The following GNAI3 variants were observed in gnomAD, a reference collection of about 807,000 sequenced individuals.
GNAI3 encodes G protein subunit alpha i3.
In GNAI3, 12 loss-of-function variants were observed where a neutral mutation model predicts 41.8. The observed-to-expected ratio is 0.29, with a 90% CI of 0.18 to 0.47. The LOEUF (loss-of-function observed/expected upper bound fraction) is 0.47, where lower values mean the gene tolerates loss of function less well. GNAI3 is among the 20% of genes least tolerant of loss of function. The pLI, the probability that GNAI3 is intolerant of heterozygous loss-of-function variation, is 1.00. For synonymous variants in GNAI3, 132 were observed against 146.5 expected (o/e 0.90, Z 0.71); for missense variants, 360 against 429.6 (o/e 0.84, Z 1.43).
At chr1:109,556,962 G>C (rs1183124868) in intron 1 of GNAI3, among the ~76,000 whole-genome samples, 3 of 152,172 alleles carry the variant, frequency 2.0e-5, no homozygotes, top group Non-Finnish European at 2.9e-5. Flanking sequence ...TCCCGAGACA[G>C]TCTCACTCTG....
At chr1:109,556,071 CTG>C (rs1648142889) in intron 1 of GNAI3, among the ~76,000 whole-genome samples, 1 of 150,196 alleles carries the variant, frequency 6.7e-6, no homozygotes, top group African/African-American at 2.5e-5. Context: ...GAGTCTTACT[CTG>C]TCGCCCAGGC....
At chr1:109,579,178 G>A (rs368076592) in intron 3 of GNAI3, 26 bp from the exon 4 acceptor site, 55 of 1,585,682 alleles carry the variant, frequency 3.5e-5, no homozygotes, top group Non-Finnish European at 3.9e-5. Flanking sequence ...AGAGTCATCT[G>A]TCTCTTTCTT....
chr1:109,572,208 G>T (rs1248495216), intron 1 of GNAI3, among the ~76,000 whole-genome samples: 2 of 152,070 alleles, frequency 1.3e-5, no homozygotes, highest in African/African-American at 2.4e-5. Flanking sequence ...TACTCAGGAG[G>T]CTGAGGCAGG....
Position 109,591,431 on chromosome 1 carries a change from T to G in GNAI3, c.875-612T>G, listed in dbSNP as rs577804943. On this transcript the variant is annotated intron_variant, in intron 7 of 8. Coordinates refer to ENST00000369851, the MANE Select transcript of GNAI3 (RefSeq NM_006496.4). ...AAAGGACATCTAAAAGCAAACTGTATCCTTCTCAACAATTTCTCACTTCAT... is the reference window on the plus strand; with the variant it reads ...AAAGGACATCTAAAAGCAAACTGTAGCCTTCTCAACAATTTCTCACTTCAT... 3.3e-5 allele frequency: 24 copies of G among 716,770 alleles called. No homozygotes were observed. In the African/African-American group the frequency reaches 3.9e-4, roughly 12 times the overall value. 44.4% of individuals were successfully genotyped at this position (716,770 alleles called of 1,614,324 possible).
At chr1:109,567,277 GT>G (rs2101096668) in intron 1 of GNAI3, among the ~76,000 whole-genome samples, 1 of 152,220 alleles carries the variant, frequency 6.6e-6, no homozygotes, top group South Asian at 2.1e-4. Flanking sequence ...TTATAATCCT[GT>G]TATTAAAAAT....
intron 3 of GNAI3, among the ~76,000 whole-genome samples, chr1:109,578,382 A>C (rs1472549857): frequency 6.6e-6 from 1 of 151,832 alleles, no homozygotes; most frequent in African/African-American, 2.4e-5. Flanking sequence ...AGGCAGGAGA[A>C]TCGCTAGAAC....
rs768631669 is a variant in GNAI3 at position 109,598,855 on chromosome 1, G to A, written c.*6533G>A. 1.9e-6 allele frequency: 1 copy of A among 533,340 alleles called. No homozygotes were observed. Among genetic ancestry groups the A allele is most frequent in the Non-Finnish European group, 3.9e-6 (1 of 259,032 alleles). 33.0% of individuals were successfully genotyped at this position (533,340 alleles called of 1,614,324 possible). A position where few individuals can be genotyped will look rare whatever the true frequency, so the allele number is the denominator to read the frequency against. Reference sequence around the variant, plus strand: ...GGCTCTGTCACACTTGCAGTCCCTGGCCCAACACCGAAATCCTTCTGGAAT... The same window carrying A: ...GGCTCTGTCACACTTGCAGTCCCTGACCCAACACCGAAATCCTTCTGGAAT... On this transcript the variant is annotated 3_prime_UTR_variant, in exon 9 of 9. Transcript: ENST00000369851.
At chr1:109,571,220 A>G (rs1648588344) in intron 1 of GNAI3, among the ~76,000 whole-genome samples, 1 of 152,182 alleles carries the variant, frequency 6.6e-6, no homozygotes, top group African/African-American at 2.4e-5. Flanking sequence ...GGGAATCAGT[A>G]TCTCAGTTTT....
rs115827280 is a variant in GNAI3, at chr1:109,586,198, T to G, written c.591-18T>G. On this transcript the variant is annotated intron_variant, in intron 5 of 8. Coordinates refer to ENST00000369851, the MANE Select transcript of GNAI3 (RefSeq NM_006496.4). Reference sequence around the variant, plus strand: ...TATGTGTGACCTTGCTGAATTTGCTTTCTTTCCCCTTGCGCAGGATGTTTG... The same window carrying G: ...TATGTGTGACCTTGCTGAATTTGCTGTCTTTCCCCTTGCGCAGGATGTTTG... 4.5e-3 allele frequency: 7,221 copies of G among 1,610,934 alleles called. 24 individuals carry two copies. Among genetic ancestry groups the G allele is most frequent in the Non-Finnish European group, 5.6e-3 (6,549 of 1,177,962 alleles).
At chr1:109,573,865 G>A (rs369904473) in intron 2 of GNAI3, 31 bp from the exon 3 acceptor site, 5 of 1,606,576 alleles carry the variant, frequency 3.1e-6, no homozygotes, top group Non-Finnish European at 3.4e-6. Context: ...TAGGTCCATG[G>A]TATTGACTTG....
At chr1:109,586,426 C>A (rs975380043) in intron 6 of GNAI3, 81 bp downstream of exon 6, 2 of 1,356,038 alleles carry the variant, frequency 1.5e-6, no homozygotes, top group Non-Finnish European at 2.0e-6. Flanking sequence ...TTATCTGCAT[C>A]CATTTCCTCA....
intron 1 of GNAI3, among the ~76,000 whole-genome samples, chr1:109,570,516 A>G (rs549356822): frequency 1.2e-4 from 19 of 152,236 alleles, no homozygotes; most frequent in Non-Finnish European, 1.9e-4. Context: ...CTATGAAAAA[A>G]TATAACACAG....
chr1:109,580,163 G>A (rs896532213), intron 4 of GNAI3, among the ~76,000 whole-genome samples: 4 of 152,036 alleles, frequency 2.6e-5, no homozygotes, highest in African/African-American at 9.7e-5. Context: ...CACCATGCCC[G>A]GCTAATTTGT....
At chr1:109,557,091 G>A (rs1304674031) in intron 1 of GNAI3, among the ~76,000 whole-genome samples, 1 of 151,998 alleles carries the variant, frequency 6.6e-6, no homozygotes, top group African/African-American at 2.4e-5. Context: ...GTGCACCACC[G>A]TGCCCAGCTA....
chr1:109,590,179 A>C (rs1399022708), intron 7 of GNAI3, among the ~76,000 whole-genome samples: 1 of 152,212 alleles, frequency 6.6e-6, no homozygotes, highest in Non-Finnish European at 1.5e-5. Flanking sequence ...TTCAGAGTAA[A>C]GAACAGAGGG....
intron 1 of GNAI3, among the ~76,000 whole-genome samples, chr1:109,560,547 A>G (rs1272244940): frequency 6.6e-6 from 1 of 152,156 alleles, no homozygotes; most frequent in African/African-American, 2.4e-5. Context: ...AGCCTGGGCA[A>G]GATGGCAAGA....
At chr1:109,577,278 GT>G (rs10690094) in intron 3 of GNAI3, among the ~76,000 whole-genome samples, 273 of 125,334 alleles carry the variant, frequency 2.2e-3, no homozygotes, top group Admixed American at 3.4e-3. Context: ...TGTTTTTTTT[GT>G]TTTTTTTTTT....
chr1:109,562,335 T>C (rs2101093558), intron 1 of GNAI3, among the ~76,000 whole-genome samples: 1 of 152,270 alleles, frequency 6.6e-6, no homozygotes, highest in Non-Finnish European at 1.5e-5. Flanking sequence ...TATATGAAAA[T>C]ACTACACCAT....
intron 1 of GNAI3, among the ~76,000 whole-genome samples, chr1:109,564,703 G>A (rs1648405167): frequency 6.6e-6 from 1 of 152,156 alleles, no homozygotes; most frequent in South Asian, 2.1e-4. Context: ...ATTTACCCTC[G>A]ATTCGGTCAC....
Sources: gnomAD v4.1 joint callset for allele counts (sites outside exome capture counted in the v4.1 genomes callset) on GRCh38, gnomAD v4.1.1 for gene constraint, MANE v1.5 for transcripts, NCBI Gene and HGNC (gene_info 2026-07-23, HGNC 2026-07-21) for gene names.